The following WDR27 variants were observed in gnomAD, a reference collection of about 807,000 sequenced individuals.
WDR27 encodes WD repeat domain 27, also known as WD repeat-containing protein 27.
A neutral mutation model predicts 114.4 loss-of-function variants in WDR27; 100 were observed. The observed-to-expected ratio is 0.87, with a 90% CI of 0.74 to 1.03. The LOEUF (loss-of-function observed/expected upper bound fraction) is 1.03. Ranked by LOEUF, WDR27 falls within the 50% of genes least tolerant of loss-of-function variation. WDR27 has a pLI of 0.00. For missense variants in WDR27, 1,129 were observed against 1,092.9 expected (o/e 1.03, Z -0.47); for synonymous variants, 449 against 423.1 (o/e 1.06, Z -0.75).
At chr6:169,494,532 T>C (rs922962260) in intron 25 of WDR27, among the ~76,000 whole-genome samples, 2 of 152,090 alleles carry the variant, frequency 1.3e-5, no homozygotes, top group East Asian at 1.9e-4. Flanking sequence ...TACTAGACAA[T>C]AGAAATTTTC....
At chr6:169,431,513 T>A in the WDR27 span, among the ~76,000 whole-genome samples, 1 of 152,214 alleles carries the variant, frequency 6.6e-6, no homozygotes, top group Non-Finnish European at 1.5e-5. Flanking sequence ...TATTTGGTTT[T>A]CTTTGGGATT....
At chr6:169,536,963 T>C (rs997739837) in intron 25 of WDR27, among the ~76,000 whole-genome samples, 2 of 152,198 alleles carry the variant, frequency 1.3e-5, no homozygotes, top group Admixed American at 6.5e-5. Flanking sequence ...CATGGATCCA[T>C]AGACCACAAA....
At chr6:169,607,598 T>A (rs1486120529) in intron 22 of WDR27, among the ~76,000 whole-genome samples, 1 of 152,012 alleles carries the variant, frequency 6.6e-6, no homozygotes, top group Non-Finnish European at 1.5e-5. Flanking sequence ...ACATAGAGTA[T>A]GAAACCATAG....
At chr6:169,598,433 C>A (rs536335209) in intron 23 of WDR27, among the ~76,000 whole-genome samples, 1 of 152,214 alleles carries the variant, frequency 6.6e-6, no homozygotes, top group African/African-American at 2.4e-5. Context: ...GAGGGACAAA[C>A]TCACCCTTTG....
At chr6:169,697,992 T>C (rs142663972) in intron 1 of WDR27, among the ~76,000 whole-genome samples, 25 of 152,342 alleles carry the variant, frequency 1.6e-4, no homozygotes, top group Admixed American at 4.6e-4. Context: ...AGAATATGAA[T>C]GTGCTTGCAT....
chr6:169,603,688 G>A (rs1450785265), intron 22 of WDR27, among the ~76,000 whole-genome samples: 1 of 152,204 alleles, frequency 6.6e-6, no homozygotes, highest in Non-Finnish European at 1.5e-5. Flanking sequence ...CCAAGAGCAG[G>A]TGATCCAGGG....
intron 25 of WDR27, among the ~76,000 whole-genome samples, chr6:169,526,877 T>C (rs771216037): frequency 2.6e-5 from 4 of 152,182 alleles, no homozygotes; most frequent in Non-Finnish European, 4.4e-5. Context: ...AAAGAAGATA[T>C]GCAGATAGCC....
intron 25 of WDR27, among the ~76,000 whole-genome samples, chr6:169,496,651 C>T (rs1302167773): frequency 6.6e-6 from 1 of 152,012 alleles, no homozygotes; most frequent in Non-Finnish European, 1.5e-5. Context: ...CCAACCATCA[C>T]CACTATGACA....
chr6:169,689,930 G>C (rs1784026083), intron 1 of WDR27, among the ~76,000 whole-genome samples: 2 of 152,044 alleles, frequency 1.3e-5, no homozygotes, highest in African/African-American at 4.8e-5. Flanking sequence ...TGGTCATGTG[G>C]ATTCAGAGGA....
chr6:169,555,995 C>T (rs1798826230), intron 25 of WDR27, among the ~76,000 whole-genome samples: 2 of 152,230 alleles, frequency 1.3e-5, no homozygotes, highest in South Asian at 4.1e-4. Flanking sequence ...AGAGGAGGGA[C>T]CCATGCCCTC....
At chr6:169,466,137 C>A (rs188160594) in intron 25 of WDR27, among the ~76,000 whole-genome samples, 1 of 152,148 alleles carries the variant, frequency 6.6e-6, no homozygotes, top group African/African-American at 2.4e-5. Context: ...TCTCTTGCCC[C>A]GTTTCTGTCC....
At chr6:169,502,545 T>C (rs1485801652) in intron 25 of WDR27, among the ~76,000 whole-genome samples, 2 of 152,218 alleles carry the variant, frequency 1.3e-5, no homozygotes, top group African/African-American at 4.8e-5. Context: ...TGGTTCCCTC[T>C]GGAGGCTTCA....
At chr6:169,472,062 G>A (rs1379534948) in intron 25 of WDR27, among the ~76,000 whole-genome samples, 1 of 152,064 alleles carries the variant, frequency 6.6e-6, no homozygotes, top group African/African-American at 2.4e-5. Context: ...AATTTGAGGG[G>A]ACACCATCAT....
At chr6:169,480,278 G>C (rs1158072283) in intron 25 of WDR27, among the ~76,000 whole-genome samples, 1 of 152,174 alleles carries the variant, frequency 6.6e-6, no homozygotes, top group Non-Finnish European at 1.5e-5. Context: ...TCCCCGCGGG[G>C]CAGGGCTCGG....
At chr6:169,432,500 A>G in the WDR27 span, among the ~76,000 whole-genome samples, 6 of 152,124 alleles carry the variant, frequency 3.9e-5, no homozygotes, top group African/African-American at 7.2e-5. Flanking sequence ...AGTTTTCTCC[A>G]TACTGTTCTT....
intron 13 of WDR27, among the ~76,000 whole-genome samples, chr6:169,654,678 G>A (rs1438305483): frequency 2.0e-5 from 3 of 152,196 alleles, no homozygotes; most frequent in Non-Finnish European, 4.4e-5. Context: ...ACACGCCTAA[G>A]TGAGAAGCCA....
At chr6:169,593,236 C>G (rs1806105547) in intron 23 of WDR27, among the ~76,000 whole-genome samples, 1 of 151,744 alleles carries the variant, frequency 6.6e-6, no homozygotes, top group Non-Finnish European at 1.5e-5. Context: ...GTAAAATCCC[C>G]TGAGAAAGCA....
chr6:169,481,554 A>G (rs764890528), intron 25 of WDR27, among the ~76,000 whole-genome samples: 6 of 152,290 alleles, frequency 3.9e-5, no homozygotes, highest in Admixed American at 6.5e-5. Context: ...TGTAGCACTC[A>G]CCGCAAAAGT....
chr6:169,591,023 T>C (rs1309703552), intron 23 of WDR27, among the ~76,000 whole-genome samples: 3 of 152,204 alleles, frequency 2.0e-5, no homozygotes, highest in African/African-American at 7.2e-5. Flanking sequence ...TGCTGGATCA[T>C]GTGGATTCTA....
Sources: allele counts gnomAD v4.1 joint callset (sites outside exome capture counted in the v4.1 genomes callset), GRCh38; gene constraint gnomAD v4.1.1; transcripts MANE v1.5; gene names NCBI Gene and HGNC (gene_info 2026-07-23, HGNC 2026-07-21).